Variants in GPC5 observed in about 807,000 individuals in gnomAD.
GPC5 encodes the protein glypican 5, also known as glypican-5.
Under a neutral mutation model 53.9 loss-of-function variants are expected in GPC5, and 47 were observed. That is an observed-to-expected ratio of 0.87 (90% CI 0.69 to 1.11). The LOEUF (loss-of-function observed/expected upper bound fraction) is 1.11. Among genes scored for constraint, GPC5 ranks in the 50% most tolerant of loss-of-function variants. The pLI is 0.00. For missense variants in GPC5, 748 were observed against 713.1 expected (o/e 1.05, Z -0.56); for synonymous variants, 286 against 263.3 (o/e 1.09, Z -0.84).
intron 7 of GPC5, among the ~76,000 whole-genome samples, chr13:92,255,872 C>T (rs2042722932): frequency 6.6e-6 from 1 of 151,942 alleles, no homozygotes; most frequent in Non-Finnish European, 1.5e-5. Context: ...CACAGACTTG[C>T]TAGCTTTAAA....
At chr13:92,306,661 C>T (rs991427461) in intron 7 of GPC5, among the ~76,000 whole-genome samples, 1 of 152,180 alleles carries the variant, frequency 6.6e-6, no homozygotes, top group African/African-American at 2.4e-5. Context: ...ACTTTCTGTC[C>T]CTGTCACTAC....
chr13:91,647,409 G>A (rs141727253), intron 2 of GPC5, among the ~76,000 whole-genome samples: 87 of 152,238 alleles, frequency 5.7e-4, no homozygotes, highest in Middle Eastern at 3.4e-3. Flanking sequence ...GAACCTTTTA[G>A]ATTTACATTC....
intron 6 of GPC5, among the ~76,000 whole-genome samples, chr13:92,000,527 T>C (rs74106290): frequency 0.017 from 2,590 of 152,240 alleles, 68 homozygotes; most frequent in African/African-American, 0.059. Flanking sequence ...GAATTTCCAG[T>C]TTTTTTGTTG....
At chr13:92,753,211 C>T (rs1281311795) in intron 7 of GPC5, among the ~76,000 whole-genome samples, 6 of 152,104 alleles carry the variant, frequency 3.9e-5, no homozygotes, top group African/African-American at 1.2e-4. Flanking sequence ...CTGGGAGGCA[C>T]CCCCCAGCAG....
rs553790968 is a variant in GPC5 at position 91,497,694 on chromosome 13, G to C, written c.325+48772G>C. 1.7e-4 allele frequency among the ~76,000 whole-genome samples: 26 copies of C among 152,304 alleles called. 1 individual carries two copies. The highest frequency in any genetic ancestry group is 1.2e-3 in the Admixed American group (19 of 15,300). On this transcript the variant is annotated intron_variant, in intron 2 of 7. Transcript: ENST00000377067. ...TTGGGAATGTTGCCCTCTAAGGAAG[G>C]CAGGGCAGCAGTTTTGGGGTCATGC...
chr13:92,128,342 C>T (rs1461063882), intron 6 of GPC5, among the ~76,000 whole-genome samples: 4 of 152,140 alleles, frequency 2.6e-5, no homozygotes, highest in Non-Finnish European at 5.9e-5. Flanking sequence ...ACATTTCTCT[C>T]CAAGAACATC....
chr13:91,441,983 T>C (rs1172860209), intron 1 of GPC5, among the ~76,000 whole-genome samples: 2 of 152,196 alleles, frequency 1.3e-5, no homozygotes, highest in Non-Finnish European at 2.9e-5. Context: ...AAAGCTAACA[T>C]GTGCTACAAT....
At chr13:91,562,402 CATACACTGA>C (rs2031316760) in intron 2 of GPC5, among the ~76,000 whole-genome samples, 1 of 151,960 alleles carries the variant, frequency 6.6e-6, no homozygotes, top group Non-Finnish European at 1.5e-5. Flanking sequence ...GAAAAGAAAT[CATACACTGA>C]ATGTATTGTC....
At chr13:91,848,435 T>A (rs924781338) in intron 5 of GPC5, among the ~76,000 whole-genome samples, 5 of 152,178 alleles carry the variant, frequency 3.3e-5, no homozygotes, top group Non-Finnish European at 5.9e-5. Flanking sequence ...AGGGAAGAGT[T>A]ACAGTAAATG....
chr13:91,563,243 T>C (rs7982597), intron 2 of GPC5, among the ~76,000 whole-genome samples: 39,868 of 152,012 alleles, frequency 0.26, 5,963 homozygotes, highest in African/African-American at 0.42. Flanking sequence ...GCCTATTAGG[T>C]CCTGGTTATA....
intron 7 of GPC5, among the ~76,000 whole-genome samples, chr13:92,851,631 G>T (rs2892646): frequency 2.6e-5 from 4 of 151,418 alleles, no homozygotes; most frequent in Non-Finnish European, 5.9e-5. Context: ...CCTGTAATCC[G>T]AGCACTTTGG....
intron 1 of GPC5, 108 bp from the exon 2 acceptor site, chr13:91,448,653 T>C (rs1352177795): frequency 9.1e-7 from 1 of 1,094,286 alleles, no homozygotes; most frequent in Non-Finnish European, 1.3e-6. Flanking sequence ...GCAAATCCAT[T>C]CCTCACATAG....
intron 2 of GPC5, among the ~76,000 whole-genome samples, chr13:91,517,856 T>C (rs1306440030): frequency 1.3e-5 from 2 of 152,182 alleles, no homozygotes; most frequent in Admixed American, 6.5e-5. Flanking sequence ...TGGACATCTC[T>C]GATAAACCCA....
intron 2 of GPC5, among the ~76,000 whole-genome samples, chr13:91,451,075 T>A (rs1253518044): frequency 6.6e-6 from 1 of 152,148 alleles, no homozygotes; most frequent in Non-Finnish European, 1.5e-5. Flanking sequence ...AATTAAAATA[T>A]CTGAAAACAA....
chr13:92,778,989 A>ACG (rs1491342678), intron 7 of GPC5, among the ~76,000 whole-genome samples: 2 of 148,880 alleles, frequency 1.3e-5, no homozygotes, highest in Non-Finnish European at 3.0e-5. Context: ...ACACACACAC[A>ACG]TATATATATA....
intron 4 of GPC5, among the ~76,000 whole-genome samples, chr13:91,742,199 A>G (rs1197123865): frequency 6.6e-6 from 1 of 152,138 alleles, no homozygotes; most frequent in Non-Finnish European, 1.5e-5. Context: ...GGGTCAAACT[A>G]CAGGCGCACA....
At chr13:92,322,599 T>C (rs777311147) in intron 7 of GPC5, among the ~76,000 whole-genome samples, 9 of 152,176 alleles carry the variant, frequency 5.9e-5, no homozygotes, top group Non-Finnish European at 1.2e-4. Context: ...CGAACTGAAA[T>C]GCTATGAACA....
chr13:92,209,128 T>A (rs1330998), intron 7 of GPC5, among the ~76,000 whole-genome samples: 5,979 of 152,302 alleles, frequency 0.039, 391 homozygotes, highest in African/African-American at 0.14. Context: ...TTATACATAA[T>A]TTATATTACA....
chr13:91,943,214 T>A (rs2039944106), intron 6 of GPC5, among the ~76,000 whole-genome samples: 1 of 152,160 alleles, frequency 6.6e-6, no homozygotes, highest in African/African-American at 2.4e-5. Flanking sequence ...GGTATGACAT[T>A]TATAAGTATA....
Sources: allele counts gnomAD v4.1 joint callset (sites outside exome capture counted in the v4.1 genomes callset), GRCh38; gene constraint gnomAD v4.1.1; transcripts MANE v1.5; gene names NCBI Gene and HGNC (gene_info 2026-07-23, HGNC 2026-07-21).